TNPO2: variants seen among roughly 807,000 people sequenced by gnomAD.
The protein encoded by TNPO2 is transportin 2, also known as transportin-2.
TNPO2 carries 16 observed loss-of-function variants against 111.1 expected under a neutral mutation model. The ratio of observed to expected loss-of-function variants is 0.14; its 90% CI spans 0.10 to 0.22. The LOEUF (loss-of-function observed/expected upper bound fraction) is 0.22. TNPO2 is among the 10% of genes least tolerant of loss of function. The pLI, the probability that TNPO2 is intolerant of heterozygous loss-of-function variation, is 1.00. For synonymous variants in TNPO2, 481 were observed against 475.8 expected, an observed-to-expected ratio of 1.01 and a Z score of -0.14; for missense variants, 530 against 1,173.7, an observed-to-expected ratio of 0.45 and a Z score of 8.01.
rs769255378 is a variant in TNPO2 at position 12,706,181 on chromosome 19, G to A, written c.1668+15C>T. The A allele has an allele frequency of 2.1e-5, 34 of 1,611,918 alleles. No individual in the cohort carries two copies. Among genetic ancestry groups the A allele is most frequent in the East Asian group, 6.7e-5 (3 of 44,874 alleles). On this transcript the variant is annotated intron_variant, in intron 15 of 25. Coordinates refer to ENST00000425528, the MANE Select transcript of TNPO2 (RefSeq NM_001382241.1). The surrounding 1 kb of genome is among the most constrained non-coding windows in gnomAD (Gnocchi z 7.0). ...GCACGGGGATCGGGAGGCGGGAGCC[G>A]CTCTGGGGTCTCACCGGCTGGTTGA... is the stretch of plus-strand genomic sequence containing the variant.
At position 12,703,710 on chromosome 19, in the gene TNPO2, G is replaced by A. The variant is rs150636988; in HGVS notation, c.2110+4C>T. 1.1e-4 allele frequency: 176 copies of A among 1,607,064 alleles called. No homozygotes were observed. The African/African-American group carries it at 1.7e-3, about 15-fold the overall frequency. On this transcript the variant is annotated splice_donor_region_variant and intron_variant, in intron 19 of 25. Coordinates refer to ENST00000425528, the MANE Select transcript of TNPO2 (RefSeq NM_001382241.1). ...ATGGGTTAGGGACAAGGCGAGTGTC[G>A]TACCGATACAGGGCTTGACATGGAT...
At position 12,711,289 on chromosome 19, in the gene TNPO2, C is replaced by G; in HGVS notation, c.1117+7G>C. 6.2e-7 allele frequency: 1 copy of G among 1,611,476 alleles called. No individual in the cohort carries two copies. The highest frequency in any genetic ancestry group is 1.3e-5 in the African/African-American group (1 of 75,040). ...CCCCACCACCACCCCCAGGCAGGGG[C>G]ACACACTCAAATTCCAGTCGGACAG... On this transcript the variant is annotated splice_region_variant and intron_variant, in intron 12 of 25. Transcript: ENST00000425528.
chr19:12,719,928 C>T lies in TNPO2; in HGVS notation c.100-592G>A, dbSNP rs1346667306. 1.3e-5 allele frequency among the ~76,000 whole-genome samples: 2 copies of T among 150,848 alleles called. No homozygotes were observed. The highest frequency in any genetic ancestry group is 2.9e-5 in the Non-Finnish European group (2 of 67,890). ...TCTTAAAGTGGCAGCTACTAGTCAG[C>T]GATCCCCACTAACAGGCCATGAAGA... On this transcript the variant is annotated intron_variant, in intron 3 of 25. Coordinates refer to ENST00000425528, the MANE Select transcript of TNPO2 (RefSeq NM_001382241.1). The surrounding 1 kb of genome is among the most constrained non-coding windows in gnomAD (Gnocchi z 5.0).
At chr19:12,716,545 G>C (rs1176753735) in intron 5 of TNPO2, among the ~76,000 whole-genome samples, 1 of 152,118 alleles carries the variant, frequency 6.6e-6, no homozygotes, top group Non-Finnish European at 1.5e-5. Context: ...AGAATCACTT[G>C]AACCTGGGAG....
intron 13 of TNPO2, among the ~76,000 whole-genome samples, chr19:12,709,754 A>G (rs8113087): frequency 0.14 from 21,063 of 150,378 alleles, 4,410 homozygotes; most frequent in African/African-American, 0.46. Context: ...AAGTGCTAGG[A>G]TTACAGGCAT....
chr19:12,707,409 G>C (rs1252481181), intron 13 of TNPO2, among the ~76,000 whole-genome samples: 1 of 151,824 alleles, frequency 6.6e-6, no homozygotes, highest in African/African-American at 2.4e-5. Flanking sequence ...GGTTTTATGG[G>C]GCAGCAGTGA....
At position 12,699,207 on chromosome 19, in the gene TNPO2, A is replaced by G; in HGVS notation, c.*2057T>C. On this transcript the variant is annotated 3_prime_UTR_variant, in exon 26 of 26. Coordinates refer to ENST00000425528, the MANE Select transcript of TNPO2 (RefSeq NM_001382241.1). The stretch of plus-strand genomic sequence containing the variant: ...GAAGCCACAGACTAAGGAGTTCACA[A>G]GAAACTGATCTTTACTCAACAAAGT... The G allele has an allele frequency of 2.4e-6, 1 of 411,002 alleles. No homozygotes were observed. Among genetic ancestry groups the G allele is most frequent in the South Asian group, 1.7e-5 (1 of 58,214 alleles). 25.5% of individuals were successfully genotyped at this position (411,002 alleles called of 1,614,324 possible). A position where few individuals can be genotyped will look rare whatever the true frequency, so the allele number is the denominator to read the frequency against.
chr19:12,712,727 T>C (rs1341554818), intron 10 of TNPO2, among the ~76,000 whole-genome samples: 2 of 152,206 alleles, frequency 1.3e-5, no homozygotes, highest in Admixed American at 1.3e-4. Context: ...CCCTTCTGCC[T>C]TGTATGCAAT....
Position 12,699,489 on chromosome 19 carries a change from GAGA to G in TNPO2, c.*1772_*1774del, listed in dbSNP as rs2025180555. 1 of 147,208 alleles carries G rather than the reference GAGA, an allele frequency of 6.8e-6. No individual in the cohort carries two copies. Among genetic ancestry groups the G allele is most frequent in the Admixed American group, 6.8e-5 (1 of 14,690 alleles). 9.1% of individuals were successfully genotyped at this position (147,208 alleles called of 1,614,324 possible). Reference sequence around the variant, plus strand: ...TAAAAAAAAAAAAAAAAAGGAAAACGAGAAGAACCAGGCTCCCCTTCCCTGAAG... The same window carrying G: ...TAAAAAAAAAAAAAAAAAGGAAAACGAGAACCAGGCTCCCCTTCCCTGAAG... On this transcript the variant is annotated 3_prime_UTR_variant, in exon 26 of 26. Coordinates refer to ENST00000425528, the MANE Select transcript of TNPO2 (RefSeq NM_001382241.1).
Position 12,715,008 on chromosome 19 carries a change from C to A in TNPO2, c.771+39G>T, listed in dbSNP as rs377186077. On this transcript the variant is annotated intron_variant, in intron 9 of 25. Coordinates refer to ENST00000425528, the MANE Select transcript of TNPO2 (RefSeq NM_001382241.1). This position sits in a 1 kb window ranked among gnomAD's most constrained non-coding sequence, Gnocchi z 7.1. Reference sequence around the variant, plus strand: ...GGCTCCCTGACCCCTGCCACCGGCCCCCTGCCTGCCCGCCTGGGCTGGCCT... The same window carrying A: ...GGCTCCCTGACCCCTGCCACCGGCCACCTGCCTGCCCGCCTGGGCTGGCCT... The A allele has an allele frequency of 2.7e-5, 42 of 1,578,296 alleles. No homozygotes were observed. Among genetic ancestry groups the A allele is most frequent in the Non-Finnish European group, 3.4e-5 (39 of 1,163,516 alleles).
intron 13 of TNPO2, among the ~76,000 whole-genome samples, chr19:12,710,187 G>C (rs550662151): frequency 1.4e-4 from 22 of 152,200 alleles, no homozygotes; most frequent in African/African-American, 3.9e-4. Context: ...GCCAGGAACA[G>C]GTTTAAGGCC....
Position 12,705,393 on chromosome 19 carries a change from G to A in TNPO2, c.1869C>T (p.Tyr623=), listed in dbSNP as rs781395558. ...CCTCATACTGCTCAGGGTGCTGGGT[G>A]TACATCTAGACACAGATGCCGACAG... The part of the protein sequence containing the change: ...VQKTLAQAMM[Y]TQHPEQYEAP... The change falls in exon 18 of 26, where the codon TAC becomes TAT. Residue 623 remains tyrosine (Y), a synonymous_variant. Transcript: ENST00000425528. The surrounding 1 kb of genome is among the most constrained non-coding windows in gnomAD (Gnocchi z 7.2). 6.3e-7 allele frequency: 1 copy of A among 1,583,110 alleles called. No homozygotes were observed. The highest frequency in any genetic ancestry group is 8.6e-7 in the Non-Finnish European group (1 of 1,164,824).
intron 5 of TNPO2, among the ~76,000 whole-genome samples, chr19:12,716,374 C>G (rs2026366616): frequency 6.6e-6 from 1 of 152,060 alleles, no homozygotes. Flanking sequence ...GCCTGTAATC[C>G]CAGCACTTTG....
chr19:12,701,435 C>G lies in TNPO2; in HGVS notation c.2605G>C (p.Asp869His), dbSNP rs1342137655. 5 of 1,613,806 alleles carry G rather than the reference C, an allele frequency of 3.1e-6. No individual in the cohort carries two copies. The African/African-American group carries it at 5.3e-5, about 17-fold the overall frequency. The change falls in exon 25 of 26, where the codon GAC (aspartate) becomes CAC (histidine). Residue 869 changes from aspartate (D) to histidine (H), a missense_variant. Physicochemically the swap from Asp to His is moderately conservative, Grantham distance 81. Coordinates refer to ENST00000425528, the MANE Select transcript of TNPO2 (RefSeq NM_001382241.1). The surrounding 1 kb of genome is among the most constrained non-coding windows in gnomAD (Gnocchi z 5.0). ...TGCCAGTTATCTTCCCCAACTTGGT[C>G]TTTGAAGCCGTGGAGAATCTGTGGG... is the stretch of plus-strand genomic sequence containing the variant. ...MFYKILHGFK[D>H]QVGEDNWQQF...
Position 12,705,576 on chromosome 19 carries a change from G to A in TNPO2, c.1779C>T (p.Ala593=). 4 of 1,604,830 alleles carry A rather than the reference G, an allele frequency of 2.5e-6. No individual in the cohort carries two copies. The highest frequency in any genetic ancestry group is 3.4e-6 in the Non-Finnish European group (4 of 1,176,212). ...AGTAAGGCAGGAAGCCACTCTGCAG[G>A]GCGGTGGCCACCGATGACAGACACT... ...LLECLSSVAT[A]LQSGFLPYCE... Residue 593 remains alanine, a synonymous_variant, in exon 17 of 26, where the codon GCC becomes GCT. Coordinates refer to ENST00000425528, the MANE Select transcript of TNPO2 (RefSeq NM_001382241.1). This position sits in a 1 kb window ranked among gnomAD's most constrained non-coding sequence, Gnocchi z 7.2.
chr19:12,710,536 G>T, intron 13 of TNPO2, 85 bp downstream of exon 13: 1 of 1,468,820 alleles, frequency 6.8e-7, no homozygotes, highest in South Asian at 1.2e-5. Context: ...CCTCCAGGGA[G>T]AACTGAGGCA....
Position 12,706,731 on chromosome 19 carries a change from C to A in TNPO2, c.1335G>T (p.Ser445=), listed in dbSNP as rs368243017. The A allele has an allele frequency of 1.2e-6, 2 of 1,613,538 alleles. No individual in the cohort carries two copies. The highest frequency in any genetic ancestry group is 3.3e-5 in the Admixed American group (2 of 59,944). The change falls in exon 14 of 26, where the codon TCG becomes TCT. Residue 445 remains serine (S), a synonymous_variant. Transcript: ENST00000425528. The surrounding 1 kb of genome is among the most constrained non-coding windows in gnomAD (Gnocchi z 7.0). ...TGGAGCGGACCAAGGCCTTCTTATC[C>A]GACAGGCACTGGATCAGGTGCGGGA... The part of the protein sequence containing the change: ...ELIPHLIQCL[S]DKKALVRSIA...
chr19:12,706,523 G>C lies in TNPO2; in HGVS notation c.1496+47C>G, dbSNP rs1335625860. ...CACAGGTGTCATCACTTCCCAGAGG[G>C]TGGCCGGGGGAGAGTGGGGGCTGTG... is the stretch of plus-strand genomic sequence containing the variant. On this transcript the variant is annotated intron_variant, in intron 14 of 25. Transcript: ENST00000425528. This position sits in a 1 kb window ranked among gnomAD's most constrained non-coding sequence, Gnocchi z 7.0. 1 of 1,601,666 alleles carries C rather than the reference G, an allele frequency of 6.2e-7. No homozygotes were observed. The highest frequency in any genetic ancestry group is 1.3e-5 in the African/African-American group (1 of 74,788).
At chr19:12,712,025 G>C (rs914348898) in intron 10 of TNPO2, among the ~76,000 whole-genome samples, 4 of 152,066 alleles carry the variant, frequency 2.6e-5, no homozygotes, top group African/African-American at 9.7e-5. Flanking sequence ...GATTATATAT[G>C]AATATCATTA....
Sources: gnomAD v4.1 joint callset for allele counts (sites outside exome capture counted in the v4.1 genomes callset) on GRCh38, gnomAD v4.1.1 for gene constraint, Gnocchi (gnomAD v3.1) non-coding constraint, MANE v1.5 for transcripts, NCBI Gene and HGNC (gene_info 2026-07-23, HGNC 2026-07-21) for gene names.